Variants in WEE2 observed in about 807,000 individuals in gnomAD.
The protein encoded by WEE2 is WEE2 oocyte meiosis inhibiting kinase.
Under a neutral mutation model 60.1 loss-of-function variants are expected in WEE2, and 50 were observed. That is an observed-to-expected ratio of 0.83 (90% CI 0.66 to 1.05). WEE2 has a LOEUF of 1.05. WEE2 is among the 50% of genes least tolerant of loss of function. The pLI is 0.00. For missense variants in WEE2, 631 were observed against 684.3 expected (o/e 0.92, Z 0.87); for synonymous variants, 240 against 241.0 (o/e 1.00, Z 0.04).
rs960440691 is a variant in WEE2 at position 141,730,425 on chromosome 7, T to C, written c.*105T>C. 11 of 1,066,194 alleles carry C rather than the reference T, an allele frequency of 1.0e-5. No individual in the cohort carries two copies. The highest frequency in any genetic ancestry group is 1.3e-5 in the Non-Finnish European group (9 of 714,344). The allele number at this position is 1,066,194 out of a possible 1,614,324, so 66.0% of individuals were successfully genotyped here. A position where few individuals can be genotyped will look rare whatever the true frequency, so the allele number is the denominator to read the frequency against. On this transcript the variant is annotated 3_prime_UTR_variant, in exon 12 of 12. Coordinates refer to ENST00000397541, the MANE Select transcript of WEE2 (RefSeq NM_001105558.1). Reference sequence around the variant, plus strand: ...GGGACTCGTTGTACATAGAAAGGAATAGAATTTAGTTTAGAGTTGAAGTCA... The same window carrying C: ...GGGACTCGTTGTACATAGAAAGGAACAGAATTTAGTTTAGAGTTGAAGTCA...
intron 3 of WEE2, among the ~76,000 whole-genome samples, chr7:141,716,997 G>C (rs1453311116): frequency 6.6e-6 from 1 of 152,140 alleles, no homozygotes; most frequent in Non-Finnish European, 1.5e-5. Context: ...CCAAATGCCT[G>C]ATAATAGAAA....
At chr7:141,714,581 T>A (rs2117105950) in intron 2 of WEE2, among the ~76,000 whole-genome samples, 176 bp downstream of exon 2, 1 of 152,328 alleles carries the variant, frequency 6.6e-6, no homozygotes. Flanking sequence ...ATCACAGAGA[T>A]TCCAACATCT....
chr7:141,718,508 G>A (rs1192193289), intron 3 of WEE2, among the ~76,000 whole-genome samples: 1 of 152,070 alleles, frequency 6.6e-6, no homozygotes, highest in African/African-American at 2.4e-5. Flanking sequence ...GGCCAGTAGC[G>A]GGAGTGGTTG....
rs767048323 is a variant in WEE2 at position 141,709,114 on chromosome 7, G to C, written c.342+14G>C. 1 of 1,601,964 alleles carries C rather than the reference G, an allele frequency of 6.2e-7. No individual in the cohort carries two copies. Among genetic ancestry groups the C allele is most frequent in the Admixed American group, 1.7e-5 (1 of 58,490 alleles). ...TCTACTCCCAAAGTAAGTAAGGGGT[G>C]GGGGAAAAAGGGACGCAGGTCGCCA... On this transcript the variant is annotated intron_variant, in intron 1 of 11. Coordinates refer to ENST00000397541, the MANE Select transcript of WEE2 (RefSeq NM_001105558.1).
At chr7:141,713,092 A>G (rs1164521326) in intron 1 of WEE2, among the ~76,000 whole-genome samples, 1 of 152,212 alleles carries the variant, frequency 6.6e-6, no homozygotes, top group East Asian at 1.9e-4. Flanking sequence ...CTTAAAAAAA[A>G]GGCTAGGTTA....
At chr7:141,710,968 G>A (rs539748140) in intron 1 of WEE2, among the ~76,000 whole-genome samples, 72 of 152,300 alleles carry the variant, frequency 4.7e-4, no homozygotes, top group African/African-American at 1.4e-3. Context: ...AGGTAGAGCA[G>A]TATTCAGAAT....
At chr7:141,720,875 A>G in intron 4 of WEE2, 60 bp from the exon 5 acceptor site, 1 of 1,578,896 alleles carries the variant, frequency 6.3e-7, no homozygotes, top group African/African-American at 1.4e-5. Flanking sequence ...TTTAAGAAAC[A>G]TTTTTGTGTG....
rs1055838934 is a variant in WEE2, at chr7:141,721,828, G to A, written c.880+772G>A. Among the ~76,000 whole-genome samples the A allele has an allele frequency of 7.6e-4, 116 of 151,996 alleles. 1 individual carries two copies. The highest frequency in any genetic ancestry group is 2.7e-3 in the African/African-American group (113 of 41,380). Reference sequence around the variant, plus strand: ...CTTACTTATTGTTTCTAATTAATACGTCATATATAGTGTATAAATTCTAAG... The same window carrying A: ...CTTACTTATTGTTTCTAATTAATACATCATATATAGTGTATAAATTCTAAG... On this transcript the variant is annotated intron_variant, in intron 5 of 11. Transcript: ENST00000397541.
chr7:141,722,407 A>T (rs1049578530), intron 5 of WEE2, among the ~76,000 whole-genome samples: 1 of 152,208 alleles, frequency 6.6e-6, no homozygotes, highest in East Asian at 1.9e-4. Context: ...TCCGTCTCAA[A>T]AAAAAAGAAA....
At chr7:141,709,597 G>A (rs1377258443) in intron 1 of WEE2, among the ~76,000 whole-genome samples, 2 of 152,064 alleles carry the variant, frequency 1.3e-5, no homozygotes, top group Non-Finnish European at 1.5e-5. Context: ...ATATAAGAAC[G>A]TCCACACTCA....
In WEE2 at chr7:141,711,097, G is replaced by C. The variant is rs113975487; in HGVS notation, c.342+1997G>C. Among the ~76,000 whole-genome samples, 282 of 152,294 alleles carry C rather than the reference G, an allele frequency of 1.9e-3. No homozygotes were observed. Among genetic ancestry groups the C allele is most frequent in the African/African-American group, 6.3e-3 (263 of 41,560 alleles). On this transcript the variant is annotated intron_variant, in intron 1 of 11. Coordinates refer to ENST00000397541, the MANE Select transcript of WEE2 (RefSeq NM_001105558.1). This position sits in a 1 kb window ranked among gnomAD's most constrained non-coding sequence, Gnocchi z 4.2. ...TGACTGAGGTTTCTTGCTTGGTTCAGTAGACAGAATCAAGATAGATGACAC... is the reference window on the plus strand; with the variant it reads ...TGACTGAGGTTTCTTGCTTGGTTCACTAGACAGAATCAAGATAGATGACAC...
rs760645617 is a variant in WEE2, at chr7:141,711,469, A to C, written c.342+2369A>C. On this transcript the variant is annotated intron_variant, in intron 1 of 11. Transcript: ENST00000397541. This position sits in a 1 kb window ranked among gnomAD's most constrained non-coding sequence, Gnocchi z 4.2. ...GGCTGATCATTGTTATGCAGAAGAC[A>C]AAGCTGCATGGGAAAGGAGGATTGG... Among the ~76,000 whole-genome samples, 2 of 152,208 alleles carry C rather than the reference A, an allele frequency of 1.3e-5. No homozygotes were observed. The highest frequency in any genetic ancestry group is 2.4e-5 in the African/African-American group (1 of 41,452).
chr7:141,716,735 A>G (rs1798804842), intron 3 of WEE2, among the ~76,000 whole-genome samples: 2 of 152,146 alleles, frequency 1.3e-5, no homozygotes, highest in African/African-American at 4.8e-5. Flanking sequence ...GAAAAACTCT[A>G]CACTCATGGG....
At position 141,723,939 on chromosome 7, in the gene WEE2, A is replaced by G; in HGVS notation, c.1028-2A>G. 1 of 1,574,474 alleles carries G rather than the reference A, an allele frequency of 6.4e-7. No individual in the cohort carries two copies. The highest frequency in any genetic ancestry group is 8.6e-7 in the Non-Finnish European group (1 of 1,158,050). On this transcript the variant is annotated splice_acceptor_variant, in intron 6 of 11. Coordinates refer to ENST00000397541, the MANE Select transcript of WEE2 (RefSeq NM_001105558.1). LOFTEE classifies it high-confidence loss of function. ...ACATCTATCCTGTCATTTTTTTTTC[A>G]GGTAATATATTCATTTGTCACAAGA...
At chr7:141,724,944 G>T in intron 8 of WEE2, 82 bp from the exon 9 acceptor site, 2 of 1,490,638 alleles carry the variant, frequency 1.3e-6, no homozygotes, top group South Asian at 1.3e-5. Flanking sequence ...GCACTCGAAT[G>T]AACCTTTCCT....
chr7:141,723,036 G>A, intron 5 of WEE2, 98 bp from the exon 6 acceptor site: 1 of 1,489,890 alleles, frequency 6.7e-7, no homozygotes, highest in Non-Finnish European at 9.1e-7. Context: ...GGAGGTCCTG[G>A]AACTAATACC....
intron 3 of WEE2, among the ~76,000 whole-genome samples, chr7:141,716,969 A>G (rs539513505): frequency 6.6e-6 from 1 of 152,370 alleles, no homozygotes; most frequent in South Asian, 2.1e-4. Flanking sequence ...TTATTGTAAC[A>G]GCAAAAAAGG....
chr7:141,724,520 C>T (rs6974382), intron 8 of WEE2, among the ~76,000 whole-genome samples: 187 of 152,302 alleles, frequency 1.2e-3, no homozygotes, highest in African/African-American at 4.0e-3. Flanking sequence ...CCCAATATTT[C>T]TTAGACTTCC....
At chr7:141,724,568 C>T (rs1228912765) in intron 8 of WEE2, among the ~76,000 whole-genome samples, 1 of 152,216 alleles carries the variant, frequency 6.6e-6, no homozygotes, top group Non-Finnish European at 1.5e-5. Flanking sequence ...GAAGCCTTTT[C>T]CTCAAGCCCA....
Sources: allele counts gnomAD v4.1 joint callset (sites outside exome capture counted in the v4.1 genomes callset), GRCh38; gene constraint gnomAD v4.1.1; non-coding constraint Gnocchi (gnomAD v3.1); transcripts MANE v1.5; gene names NCBI Gene and HGNC (gene_info 2026-07-23, HGNC 2026-07-21).